Variants in AZIN2 observed in about 807,000 individuals in gnomAD.
AZIN2 encodes the protein antizyme inhibitor 2, also known as ODC antizyme inhibitor-2.
AZIN2 carries 28 observed loss-of-function variants against 47.8 expected under a neutral mutation model. The ratio of observed to expected loss-of-function variants is 0.59; its 90% CI spans 0.43 to 0.80. The LOEUF (loss-of-function observed/expected upper bound fraction) is 0.80. AZIN2 is among the 30% of genes least tolerant of loss of function. The pLI, the probability that AZIN2 is intolerant of heterozygous loss-of-function variation, is 0.00. For synonymous variants in AZIN2, 221 were observed against 239.4 expected (o/e 0.92, Z 0.71); for missense variants, 535 against 582.5 (o/e 0.92, Z 0.84).
At chr1:33,098,926 G>A (rs1006346019) in intron 10 of AZIN2, among the ~76,000 whole-genome samples, 3 of 152,070 alleles carry the variant, frequency 2.0e-5, no homozygotes, top group Non-Finnish European at 4.4e-5. Context: ...ACCATGCCTG[G>A]CTAATTTTTG....
chr1:33,107,542 T>C (rs997743675), intron 10 of AZIN2, among the ~76,000 whole-genome samples: 5 of 152,088 alleles, frequency 3.3e-5, no homozygotes, highest in Non-Finnish European at 7.4e-5. Context: ...ATGGCGCCAC[T>C]GCACTCCAGC....
the AZIN2 span, among the ~76,000 whole-genome samples, chr1:33,148,756 T>C: frequency 1.3e-5 from 2 of 152,298 alleles, no homozygotes; most frequent in Middle Eastern, 3.4e-3. Context: ...CTTTGAGATA[T>C]TACACATGAT....
the AZIN2 span, among the ~76,000 whole-genome samples, chr1:33,143,534 A>G: frequency 1.3e-5 from 2 of 152,108 alleles, no homozygotes; most frequent in African/African-American, 4.8e-5. Flanking sequence ...TCAGACAATC[A>G]GAGACCTCTC....
At chr1:33,111,520 A>G (rs1326723761) in intron 10 of AZIN2, among the ~76,000 whole-genome samples, 1 of 152,228 alleles carries the variant, frequency 6.6e-6, no homozygotes, top group African/African-American at 2.4e-5. Context: ...ATCCCAGCAT[A>G]AGAAATAGAC....
intron 10 of AZIN2, among the ~76,000 whole-genome samples, chr1:33,105,932 TCTTA>T (rs1292987426): frequency 6.6e-6 from 1 of 152,218 alleles, no homozygotes; most frequent in Admixed American, 6.5e-5. Flanking sequence ...GATGGGGCTT[TCTTA>T]CTTGCTGTTC....
At chr1:33,083,931 T>C in intron 4 of AZIN2, 23 bp from the exon 5 acceptor site, 2 of 1,613,680 alleles carry the variant, frequency 1.2e-6, no homozygotes, top group Non-Finnish European at 1.7e-6. Context: ...GGGTCTCACA[T>C]TCATCCACTT....
the AZIN2 span, among the ~76,000 whole-genome samples, chr1:33,150,951 C>T: frequency 1.3e-5 from 2 of 152,106 alleles, no homozygotes; most frequent in Admixed American, 6.5e-5. Context: ...ATATCTAAGG[C>T]GCCTGGGTGA....
At chr1:33,127,311 G>T (rs1644863873), downstream of AZIN2, among the ~76,000 whole-genome samples, 1 of 152,258 alleles carries the variant, frequency 6.6e-6, no homozygotes, top group Admixed American at 6.5e-5. Context: ...GTAGCGTAAA[G>T]TCACTTCCGT....
chr1:33,142,846 C>T, the AZIN2 span: 7 of 151,950 alleles, frequency 4.6e-5, no homozygotes, highest in African/African-American at 1.2e-4. Context: ...CCAGCTCTGC[C>T]GAGTACTGGC....
At chr1:33,125,069 G>C (rs182210863), downstream of AZIN2, among the ~76,000 whole-genome samples, 60 of 152,304 alleles carry the variant, frequency 3.9e-4, no homozygotes, top group African/African-American at 1.4e-3. Flanking sequence ...CTTTGAGGAG[G>C]TCAGAGAGAC....
At chr1:33,165,801 A>C in the AZIN2 span, 1 of 372,774 alleles carries the variant, frequency 2.7e-6, no homozygotes, top group Admixed American at 4.6e-5. This position sits in a 1 kb window ranked among gnomAD's most constrained non-coding sequence, Gnocchi z 4.0. Flanking sequence ...CTCTTTGGCC[A>C]CCCTAGAGGC....
the AZIN2 span, among the ~76,000 whole-genome samples, chr1:33,154,754 C>T: frequency 4.0e-5 from 6 of 148,600 alleles, no homozygotes; most frequent in South Asian, 4.2e-4. Flanking sequence ...GCCGAGATCA[C>T]GCCACTGCAC....
intron 10 of AZIN2, 130 bp downstream of exon 10, chr1:33,098,309 G>A (rs1229333344): frequency 4.6e-6 from 3 of 657,120 alleles, no homozygotes; most frequent in East Asian, 5.7e-5. Context: ...GGATGACGAA[G>A]GTTATCACCC....
At chr1:33,124,222 G>A (rs921983057), downstream of AZIN2, among the ~76,000 whole-genome samples, 1 of 152,052 alleles carries the variant, frequency 6.6e-6, no homozygotes, top group Non-Finnish European at 1.5e-5. This position sits in a 1 kb window ranked among gnomAD's most constrained non-coding sequence, Gnocchi z 4.6. Flanking sequence ...ACTTAGTCCA[G>A]GACTTAGCAC....
intron 10 of AZIN2, among the ~76,000 whole-genome samples, chr1:33,112,265 C>G (rs1483976971): frequency 6.6e-6 from 1 of 152,024 alleles, no homozygotes; most frequent in Admixed American, 6.6e-5. Context: ...AGTTCCTAGG[C>G]CTATATTGTA....
In AZIN2 at chr1:33,098,089, G is replaced by A; in HGVS notation, c.939G>A (p.Lys313=). Residue 313 remains lysine, a synonymous_variant, in exon 10 of 12, where the codon AAG becomes AAA. Coordinates refer to ENST00000294517, the MANE Select transcript of AZIN2 (RefSeq NM_052998.4). ...GREEENGSTS[K]TIVYHLDEGV... is the part of the protein sequence containing the mutation. Reference sequence around the variant, plus strand: ...CAGAGGAAAATGGTTCCACCTCCAAGACCATCGTGTACCACCTTGATGAGG... The same window carrying A: ...CAGAGGAAAATGGTTCCACCTCCAAAACCATCGTGTACCACCTTGATGAGG... 1 of 1,614,058 alleles carries A rather than the reference G, an allele frequency of 6.2e-7. No homozygotes were observed. Among genetic ancestry groups the A allele is most frequent in the African/African-American group, 1.3e-5 (1 of 75,000 alleles).
the AZIN2 span, chr1:33,158,443 C>A: frequency 8.4e-7 from 1 of 1,193,326 alleles, no homozygotes. Context: ...CCGCAGCCAC[C>A]TTCAGGGCAG....
intron 5 of AZIN2, among the ~76,000 whole-genome samples, chr1:33,090,998 TCATCCATGTTGCTGC>T (rs146224984): frequency 0.21 from 31,960 of 152,180 alleles, 4,144 homozygotes; most frequent in South Asian, 0.31. Flanking sequence ...TCCTTCAGGC[TCATCCATGTTGCTGC>T]AAATGACAGG....
At chr1:33,137,709 C>T in the AZIN2 span, among the ~76,000 whole-genome samples, 1 of 152,162 alleles carries the variant, frequency 6.6e-6, no homozygotes, top group African/African-American at 2.4e-5. Flanking sequence ...CTTTGGGAAC[C>T]AGAAAACTTT....
Sources: gnomAD v4.1 joint callset for allele counts (sites outside exome capture counted in the v4.1 genomes callset) on GRCh38, gnomAD v4.1.1 for gene constraint, Gnocchi (gnomAD v3.1) non-coding constraint, MANE v1.5 for transcripts, NCBI Gene and HGNC (gene_info 2026-07-23, HGNC 2026-07-21) for gene names.